CDIN1: variants seen among roughly 807,000 people sequenced by gnomAD.
The protein encoded by CDIN1 is CDAN1-interacting nuclease 1.
Under a neutral mutation model 45.3 loss-of-function variants are expected in CDIN1, and 33 were observed. That is an observed-to-expected ratio of 0.73 (90% confidence interval 0.55 to 0.97). The LOEUF is 0.97. Among genes scored for constraint, CDIN1 ranks in the 50% least tolerant of loss-of-function variants. The probability of loss-of-function intolerance (pLI) is 0.00; values close to 1 mark genes in which losing one functional copy is unlikely to be tolerated. For missense variants in CDIN1, 303 were observed against 339.4 expected (o/e 0.89, Z 0.84); for synonymous variants, 118 against 124.4 (o/e 0.95, Z 0.34).
chr15:36,635,563 C>T (rs188031875), intron 1 of CDIN1, among the ~76,000 whole-genome samples: 22 of 151,998 alleles, frequency 1.4e-4, no homozygotes, highest in East Asian at 7.8e-4. Context: ...TACCAAAGGA[C>T]GACTCTAGTA....
intron 1 of CDIN1, among the ~76,000 whole-genome samples, chr15:36,603,812 A>T (rs1263204264): frequency 6.6e-6 from 1 of 152,194 alleles, no homozygotes; most frequent in Non-Finnish European, 1.5e-5. Flanking sequence ...TTGTCCATTT[A>T]TTTAGCACAG....
chr15:36,802,828 G>A (rs186376381), intron 10 of CDIN1, among the ~76,000 whole-genome samples: 1 of 152,230 alleles, frequency 6.6e-6, no homozygotes, highest in East Asian at 1.9e-4. Context: ...AATCCTCAGG[G>A]CTTATCTGAG....
intron 1 of CDIN1, among the ~76,000 whole-genome samples, chr15:36,638,127 A>G (rs1436724800): frequency 6.6e-6 from 1 of 152,230 alleles, no homozygotes; most frequent in East Asian, 1.9e-4. Flanking sequence ...AAAGGAATAT[A>G]TAATGACATG....
intron 5 of CDIN1, among the ~76,000 whole-genome samples, chr15:36,670,788 C>T (rs1220095724): frequency 6.6e-6 from 1 of 151,894 alleles, no homozygotes; most frequent in Non-Finnish European, 1.5e-5. Context: ...AGACTGTGAA[C>T]ATTGGTAAAG....
intron 1 of CDIN1, among the ~76,000 whole-genome samples, chr15:36,606,455 T>C (rs1285137872): frequency 6.6e-6 from 1 of 152,162 alleles, no homozygotes; most frequent in Non-Finnish European, 1.5e-5. Flanking sequence ...GAACGAATGC[T>C]AGAGGTGTAC....
At chr15:36,749,564 C>T (rs2140965851) in intron 10 of CDIN1, among the ~76,000 whole-genome samples, 1 of 152,246 alleles carries the variant, frequency 6.6e-6, no homozygotes, top group African/African-American at 2.4e-5. Flanking sequence ...GTCTGTGGCA[C>T]GATTCAGACT....
chr15:36,718,328 A>G (rs2043286526), intron 10 of CDIN1, among the ~76,000 whole-genome samples: 1 of 152,084 alleles, frequency 6.6e-6, no homozygotes, highest in African/African-American at 2.4e-5. Flanking sequence ...TCAAAGTTAC[A>G]TTTTGCTGTT....
At chr15:36,712,260 CTTTTTT>C (rs780494427) in intron 10 of CDIN1, among the ~76,000 whole-genome samples, 1 of 77,372 alleles carries the variant, frequency 1.3e-5, no homozygotes, top group South Asian at 5.7e-4. Context: ...TAGACTAATG[CTTTTTT>C]TTTTTTTTTT....
At position 36,691,806 on chromosome 15, in the gene CDIN1, T is replaced by C. The variant is rs759484588; in HGVS notation, c.426+42T>C. On this transcript the variant is annotated intron_variant, in intron 6 of 10. Coordinates refer to ENST00000566621, the MANE Select transcript of CDIN1 (RefSeq NM_001321759.2). ...TCTATTTTCAGTGGCAATGCTGTTA[T>C]CTGCCTAGCAGAGTAAAGGATTTTA... is the stretch of plus-strand genomic sequence containing the variant. The C allele has an allele frequency of 1.3e-5, 18 of 1,396,976 alleles. No individual in the cohort carries two copies. The East Asian group carries it at 1.9e-4, about 15-fold the overall frequency. The allele number at this position is 1,396,976 out of a possible 1,614,324, so 86.5% of individuals were successfully genotyped here.
intron 1 of CDIN1, among the ~76,000 whole-genome samples, chr15:36,631,019 G>A (rs1178588379): frequency 1.3e-5 from 2 of 152,182 alleles, no homozygotes; most frequent in Non-Finnish European, 1.5e-5. Flanking sequence ...GAGATTTGGA[G>A]GAGGTCAAGT....
intron 5 of CDIN1, among the ~76,000 whole-genome samples, chr15:36,686,040 C>G (rs1201310166): frequency 1.3e-5 from 2 of 151,702 alleles, no homozygotes; most frequent in Non-Finnish European, 1.5e-5. Flanking sequence ...TACCATTTGA[C>G]CCAGCCATCC....
At chr15:36,805,701 G>T (rs2055204622) in intron 10 of CDIN1, among the ~76,000 whole-genome samples, 1 of 152,130 alleles carries the variant, frequency 6.6e-6, no homozygotes, top group Non-Finnish European at 1.5e-5. Context: ...AATGTGGTCA[G>T]CCTCTTCATA....
At chr15:36,784,692 T>C (rs2141064731) in intron 10 of CDIN1, among the ~76,000 whole-genome samples, 1 of 152,308 alleles carries the variant, frequency 6.6e-6, no homozygotes, top group East Asian at 1.9e-4. Flanking sequence ...TGCATAAACA[T>C]TGCGTTATCC....
chr15:36,741,491 A>G (rs2044237509), intron 10 of CDIN1, among the ~76,000 whole-genome samples: 1 of 148,846 alleles, frequency 6.7e-6, no homozygotes, highest in Non-Finnish European at 1.5e-5. Context: ...ACAAAGTACT[A>G]GCATTGAAAA....
chr15:36,734,738 G>A (rs536275090), intron 10 of CDIN1, among the ~76,000 whole-genome samples: 39 of 152,090 alleles, frequency 2.6e-4, no homozygotes, highest in Non-Finnish European at 5.0e-4. Context: ...ATCTCAGAAG[G>A]TTGTGTTTTT....
chr15:36,653,747 G>T (rs559537524), intron 3 of CDIN1, among the ~76,000 whole-genome samples: 1 of 152,306 alleles, frequency 6.6e-6, no homozygotes, highest in East Asian at 1.9e-4. Flanking sequence ...AACTATATAA[G>T]TCAACTTCTT....
chr15:36,687,911 C>T (rs1186194539), intron 5 of CDIN1, among the ~76,000 whole-genome samples: 1 of 151,868 alleles, frequency 6.6e-6, no homozygotes, highest in Non-Finnish European at 1.5e-5. Flanking sequence ...TTAGAAACAG[C>T]AGAAATCCAT....
intron 10 of CDIN1, among the ~76,000 whole-genome samples, chr15:36,736,639 G>A (rs1006892642): frequency 8.5e-5 from 13 of 152,116 alleles, no homozygotes; most frequent in Admixed American, 2.0e-4. Context: ...GTTATTTCAG[G>A]GCTCTGCTGT....
chr15:36,636,083 A>C (rs563063906), intron 1 of CDIN1, among the ~76,000 whole-genome samples: 1 of 152,220 alleles, frequency 6.6e-6, no homozygotes, highest in Non-Finnish European at 1.5e-5. Context: ...GTACGCAGTC[A>C]CATATTGAAG....
Sources: gnomAD v4.1 joint callset for allele counts (sites outside exome capture counted in the v4.1 genomes callset) on GRCh38, gnomAD v4.1.1 for gene constraint, MANE v1.5 for transcripts, NCBI Gene and HGNC (gene_info 2026-07-23, HGNC 2026-07-21) for gene names.